The following KCTD9 variants were observed in gnomAD, a reference collection of about 807,000 sequenced individuals.
The protein encoded by KCTD9 is BTB/POZ domain-containing protein KCTD9.
KCTD9 carries 17 observed loss-of-function variants against 53.3 expected under a neutral mutation model. That is an observed-to-expected ratio of 0.32 (90% CI 0.22 to 0.48). The LOEUF is 0.48. KCTD9 is among the 20% of genes least tolerant of loss of function. The probability of loss-of-function intolerance (pLI) is 0.99; values close to 1 mark genes in which losing one functional copy is unlikely to be tolerated. For synonymous variants in KCTD9, 128 were observed against 162.7 expected, an observed-to-expected ratio of 0.79 and a Z score of 1.62; for missense variants, 179 against 465.5, an observed-to-expected ratio of 0.38 and a Z score of 5.66.
chr8:25,439,874 T>C (rs925182596), intron 4 of KCTD9: 53 of 1,026,716 alleles, frequency 5.2e-5, no homozygotes, highest in Non-Finnish European at 6.3e-5. Context: ...AACATTGTTT[T>C]AGTTTCCTTT....
intron 3 of KCTD9, 96 bp downstream of exon 3, chr8:25,444,196 T>C: frequency 9.9e-7 from 1 of 1,006,618 alleles, no homozygotes; most frequent in East Asian, 2.6e-5. Context: ...AAGATCATTT[T>C]TAATGTTTAA....
intron 1 of KCTD9, among the ~76,000 whole-genome samples, chr8:25,451,128 A>C (rs1802311908): frequency 1.3e-5 from 2 of 152,210 alleles, no homozygotes; most frequent in South Asian, 4.1e-4. Flanking sequence ...AATCATTCGC[A>C]CATACTAACA....
Position 25,458,186 on chromosome 8 carries a change from A to AC in KCTD9, c.48+12dup. The AC allele has an allele frequency of 4.5e-5, 58 of 1,297,478 alleles. No individual in the cohort carries two copies. The highest frequency in any genetic ancestry group is 5.5e-5 in the Non-Finnish European group (56 of 1,013,428). The allele number at this position is 1,297,478 out of a possible 1,614,324, so 80.4% of individuals were successfully genotyped here. A position where few individuals can be genotyped will look rare whatever the true frequency, so the allele number is the denominator to read the frequency against. On this transcript the variant is annotated intron_variant, in intron 1 of 11. Transcript: ENST00000221200. ...GACCCCCGGCCCGCCGCGCCCCCTC[A>AC]CGCCCCCGTTACCTTTCCGTTCTTG...
intron 9 of KCTD9, among the ~76,000 whole-genome samples, chr8:25,433,748 T>C (rs2117390104): frequency 6.6e-6 from 1 of 152,312 alleles, no homozygotes; most frequent in Admixed American, 6.5e-5. Flanking sequence ...GACACCTCTA[T>C]CTCTATTTTT....
chr8:25,440,406 G>A (rs1323334017), intron 4 of KCTD9, 171 bp downstream of exon 4: 1 of 571,970 alleles, frequency 1.7e-6, no homozygotes, highest in East Asian at 2.9e-5. Context: ...GCTTTCTCTG[G>A]AGTGAACCAT....
In KCTD9 at chr8:25,452,499, C is replaced by T. The variant is rs1032150698; in HGVS notation, c.48+5700G>A. On this transcript the variant is annotated intron_variant, in intron 1 of 11. Transcript: ENST00000221200. ...CCTGTCACCTGCAGCATCTGAACCA[C>T]ATTTCACCTGCAAATTAAAAATGTA... Among the ~76,000 whole-genome samples the T allele has an allele frequency of 2.6e-5, 4 of 152,218 alleles. No homozygotes were observed. The South Asian group carries it at 8.3e-4, about 32-fold the overall frequency.
chr8:25,444,172 T>G (rs959677214), intron 3 of KCTD9, 120 bp downstream of exon 3: 3 of 846,554 alleles, frequency 3.5e-6, no homozygotes, highest in East Asian at 2.7e-5. Flanking sequence ...GTGTGAAGAT[T>G]TGAATACAGC....
chr8:25,447,789 A>C (rs1802242614), intron 1 of KCTD9, among the ~76,000 whole-genome samples: 1 of 152,356 alleles, frequency 6.6e-6, no homozygotes, highest in African/African-American at 2.4e-5. Context: ...TAATTGCATA[A>C]ATAAAATATG....
chr8:25,446,382 T>C (rs762534837), intron 1 of KCTD9, 132 bp from the exon 2 acceptor site: 283 of 1,002,984 alleles, frequency 2.8e-4, no homozygotes, highest in Non-Finnish European at 3.8e-4. Flanking sequence ...TTCTTAACAG[T>C]GCCCCCTTTT....
In KCTD9 at chr8:25,446,299, C is replaced by T. The variant is rs571040713; in HGVS notation, c.49-49G>A. The T allele has an allele frequency of 5.0e-6, 8 of 1,594,102 alleles. No homozygotes were observed. The Admixed American group carries it at 6.7e-5, about 13-fold the overall frequency. On this transcript the variant is annotated intron_variant, in intron 1 of 11. Transcript: ENST00000221200. Reference sequence around the variant, plus strand: ...GAACAATTTCTTTAATACATGTTATCCCCCATAAGTTATAAACTACCACAC... The same window carrying T: ...GAACAATTTCTTTAATACATGTTATTCCCCATAAGTTATAAACTACCACAC...
At chr8:25,440,333 C>T (rs913835915) in intron 4 of KCTD9, among the ~76,000 whole-genome samples, 6 of 152,148 alleles carry the variant, frequency 3.9e-5, no homozygotes, top group South Asian at 2.1e-4. Context: ...GCTGGGATTA[C>T]AGGCGTGAGC....
intron 11 of KCTD9, among the ~76,000 whole-genome samples, chr8:25,432,196 C>A (rs917218626): frequency 3.9e-5 from 6 of 152,198 alleles, no homozygotes; most frequent in African/African-American, 1.4e-4. Flanking sequence ...TTTCCTGAAC[C>A]TGATTTCAAA....
intron 9 of KCTD9, 152 bp from the exon 10 acceptor site, chr8:25,433,587 C>T (rs1801966127): frequency 4.6e-6 from 2 of 432,966 alleles, no homozygotes; most frequent in Admixed American, 8.3e-5. Flanking sequence ...AAAGGCTTTT[C>T]TAATTAAATA....
intron 10 of KCTD9, 138 bp from the exon 11 acceptor site, chr8:25,432,775 T>C: frequency 5.7e-6 from 4 of 706,652 alleles, no homozygotes; most frequent in Non-Finnish European, 4.7e-6. Flanking sequence ...AACGAACTTA[T>C]ATATATAAAC....
intron 1 of KCTD9, among the ~76,000 whole-genome samples, chr8:25,447,331 G>T (rs551370513): frequency 2.8e-4 from 43 of 152,248 alleles, no homozygotes; most frequent in Non-Finnish European, 5.7e-4. Flanking sequence ...AGGTTGCAGT[G>T]AGCCAAGGTT....
In KCTD9 at chr8:25,435,417, T is replaced by C. The variant is rs1267388114; in HGVS notation, c.759A>G (p.Ala253=). 1 of 1,612,130 alleles carries C rather than the reference T, an allele frequency of 6.2e-7. No homozygotes were observed. Among genetic ancestry groups the C allele is most frequent in the Non-Finnish European group, 8.5e-7 (1 of 1,179,190 alleles). Residue 253 remains alanine (A), a synonymous_variant, in exon 9 of 12, where the codon GCA becomes GCG. Transcript: ENST00000221200. ...ANLSRCNLAH[A]NLCCANLERA... is the part of the protein sequence containing the mutation. ...GTTCAAGATTTGCACAGCAAAGATT[T>C]GCATGTGCAAGATTACAGCGGCTTA...
intron 3 of KCTD9, among the ~76,000 whole-genome samples, chr8:25,442,038 A>G (rs1405611312): frequency 6.6e-6 from 1 of 151,990 alleles, no homozygotes; most frequent in African/African-American, 2.4e-5. Context: ...AAGGAAAAGA[A>G]AGTTTCAAAC....
At chr8:25,453,781 C>T (rs1316220506) in intron 1 of KCTD9, among the ~76,000 whole-genome samples, 6 of 151,926 alleles carry the variant, frequency 3.9e-5, no homozygotes, top group African/African-American at 1.5e-4. Flanking sequence ...TTATTGATAA[C>T]ATGCTACTTC....
intron 1 of KCTD9, among the ~76,000 whole-genome samples, chr8:25,453,157 G>T (rs768859801): frequency 6.6e-6 from 1 of 151,958 alleles, no homozygotes; most frequent in Non-Finnish European, 1.5e-5. Flanking sequence ...GGTCAGCCGA[G>T]ACCAGCCTGA....
Sources: gnomAD v4.1 joint callset for allele counts (sites outside exome capture counted in the v4.1 genomes callset) on GRCh38, gnomAD v4.1.1 for gene constraint, MANE v1.5 for transcripts, NCBI Gene and HGNC (gene_info 2026-07-23, HGNC 2026-07-21) for gene names.